SLC38A8: variants seen among roughly 807,000 people sequenced by gnomAD.
SLC38A8 encodes solute carrier family 38 member 8.
In SLC38A8, 65 loss-of-function variants were observed where a neutral mutation model predicts 46.0. That is an observed-to-expected ratio of 1.41 (90% CI 1.16 to 1.74). SLC38A8 has a LOEUF of 1.74. Ranked by LOEUF, SLC38A8 falls within the 40% of genes most tolerant of loss-of-function variation. SLC38A8 has a pLI of 0.00. For missense variants in SLC38A8, 998 were observed against 567.9 expected, an observed-to-expected ratio of 1.76 and a Z score of -7.70; for synonymous variants, 447 against 243.7, an observed-to-expected ratio of 1.83 and a Z score of -7.77.
intron 9 of SLC38A8, among the ~76,000 whole-genome samples, chr16:84,015,016 G>A (rs1163923028): frequency 6.6e-6 from 1 of 152,118 alleles, no homozygotes; most frequent in East Asian, 1.9e-4. Flanking sequence ...TTTCACCAAT[G>A]GGCATCTACT....
rs148028543 is a variant in SLC38A8, at chr16:84,037,985, G to A, written c.190-1085C>T. Among the ~76,000 whole-genome samples the A allele has an allele frequency of 4.0e-4, 61 of 151,948 alleles. No individual in the cohort carries two copies. The East Asian group carries it at 0.011, about 28-fold the overall frequency. ...CACCACACCCAGCTAATTGTTTTTTGTATTTTTAAATCTTTTTCCAAAATG... is the reference window on the plus strand; with the variant it reads ...CACCACACCCAGCTAATTGTTTTTTATATTTTTAAATCTTTTTCCAAAATG... On this transcript the variant is annotated intron_variant, in intron 2 of 10. Coordinates refer to ENST00000299709, the MANE Select transcript of SLC38A8 (RefSeq NM_001080442.3).
chr16:84,033,458 G>T lies in SLC38A8; in HGVS notation c.400C>A (p.Leu134Ile). Residue 134 changes from leucine to isoleucine, a missense_variant, in exon 4 of 11, where the codon CTC becomes ATC. Physicochemically the swap from Leu to Ile is conservative, Grantham distance 5. Transcript: ENST00000299709. Reference sequence around the variant, plus strand: ...GGGGCGGGCGGGGTGCCAGACAGGAGGGAGTCACACACTGCCAGAGACACG... The same window carrying T: ...GGGGCGGGCGGGGTGCCAGACAGGATGGAGTCACACACTGCCAGAGACACG... Reference protein sequence around the residue: ...GDQLEKLCDSLLSGTPPAPQP... With the variant: ...GDQLEKLCDSILSGTPPAPQP... 6.2e-7 allele frequency: 1 copy of T among 1,606,574 alleles called. No homozygotes were observed. Among genetic ancestry groups the T allele is most frequent in the Non-Finnish European group, 8.5e-7 (1 of 1,176,730 alleles).
At chr16:84,010,153 C>G (rs927144906) in intron 10 of SLC38A8, among the ~76,000 whole-genome samples, 1 of 148,028 alleles carries the variant, frequency 6.8e-6, no homozygotes, top group African/African-American at 2.6e-5. Flanking sequence ...TCACTGCAGC[C>G]TCCACCTCCC....
At chr16:84,032,118 C>T in intron 4 of SLC38A8, 150 bp from the exon 5 acceptor site, 1 of 649,974 alleles carries the variant, frequency 1.5e-6, no homozygotes, top group Non-Finnish European at 2.7e-6. Context: ...CTCATCTGTA[C>T]AGGGGGCATG....
At position 84,027,251 on chromosome 16, in the gene SLC38A8, G is replaced by C. The variant is rs145453876; in HGVS notation, c.690+2243C>G. ...TGTAATCCCAGCTACTCAAGAGGCT[G>C]AGGCAGGAGAATCGCTTGAACCCAG... On this transcript the variant is annotated intron_variant, in intron 6 of 10. Coordinates refer to ENST00000299709, the MANE Select transcript of SLC38A8 (RefSeq NM_001080442.3). 4.0e-3 allele frequency among the ~76,000 whole-genome samples: 607 copies of C among 152,336 alleles called. 14 individuals carry two copies. The East Asian group carries it at 0.041, about 10-fold the overall frequency.
Position 84,031,983 on chromosome 16 carries a change from G to C in SLC38A8, c.531-15C>G. On this transcript the variant is annotated splice_polypyrimidine_tract_variant and intron_variant, in intron 4 of 10. Coordinates refer to ENST00000299709, the MANE Select transcript of SLC38A8 (RefSeq NM_001080442.3). ...TGCCTAGGATGCTAACACAGTGACC[G>C]TGTGAGGGGCTGCGCAGTGGGTGAC... 1 of 1,610,486 alleles carries C rather than the reference G, an allele frequency of 6.2e-7. No individual in the cohort carries two copies. The highest frequency in any genetic ancestry group is 8.5e-7 in the Non-Finnish European group (1 of 1,176,828).
At chr16:84,031,738 A>G (rs2085240840) in intron 5 of SLC38A8, 129 bp downstream of exon 5, 7 of 764,284 alleles carry the variant, frequency 9.2e-6, no homozygotes, top group Non-Finnish European at 1.5e-5. Context: ...CAGAGACGGA[A>G]AGAACTGGAA....
At chr16:84,035,325 C>T (rs1210898486) in intron 3 of SLC38A8, among the ~76,000 whole-genome samples, 1 of 152,146 alleles carries the variant, frequency 6.6e-6, no homozygotes, top group African/African-American at 2.4e-5. Context: ...TCGTGTTTAC[C>T]AAGACACAGC....
chr16:84,040,157 C>G (rs2085352250), intron 2 of SLC38A8: 1 of 152,266 alleles, frequency 6.6e-6, no homozygotes, highest in Admixed American at 6.5e-5. Context: ...TGGAGGATAG[C>G]AGCCTCCCCC....
chr16:84,043,348 G>GTTTATTCC (rs2085387742), upstream of SLC38A8, among the ~76,000 whole-genome samples: 1 of 152,164 alleles, frequency 6.6e-6, no homozygotes, highest in Non-Finnish European at 1.5e-5. Context: ...GAATTTGACT[G>GTTTATTCC]TTTATTCCTG....
chr16:84,022,994 T>A (rs914643484), intron 6 of SLC38A8, 105 bp from the exon 7 acceptor site: 6 of 756,690 alleles, frequency 7.9e-6, no homozygotes, highest in Non-Finnish European at 1.3e-5. Context: ...TATGATGAGG[T>A]TTCTCTTGAA....
chr16:84,020,929 G>C (rs1457277401), intron 7 of SLC38A8, among the ~76,000 whole-genome samples: 1 of 152,194 alleles, frequency 6.6e-6, no homozygotes, highest in Non-Finnish European at 1.5e-5. Context: ...GTTCTCTTTT[G>C]ATGATCAATT....
At chr16:84,020,626 C>T (rs2085084539) in intron 7 of SLC38A8, among the ~76,000 whole-genome samples, 1 of 152,228 alleles carries the variant, frequency 6.6e-6, no homozygotes, top group Non-Finnish European at 1.5e-5. Flanking sequence ...CAGCGAGGAT[C>T]TCTGTGCCAG....
intron 9 of SLC38A8, among the ~76,000 whole-genome samples, chr16:84,013,292 C>T (rs1023111208): frequency 1.3e-5 from 2 of 152,076 alleles, no homozygotes; most frequent in African/African-American, 4.8e-5. Flanking sequence ...CCCAGAGCCC[C>T]ATCTTTCAGG....
intron 2 of SLC38A8, 117 bp downstream of exon 2, chr16:84,041,851 AC>A: frequency 1.1e-6 from 1 of 902,662 alleles, no homozygotes; most frequent in Non-Finnish European, 1.7e-6. Flanking sequence ...AGAAAATAAA[AC>A]CCCGAAGCTA....
intron 2 of SLC38A8, among the ~76,000 whole-genome samples, chr16:84,039,468 G>T (rs1459044608): frequency 6.6e-6 from 1 of 152,138 alleles, no homozygotes; most frequent in Non-Finnish European, 1.5e-5. Context: ...AGGGGGGCCG[G>T]GTACGGTGGC....
chr16:84,018,863 A>T (rs2085062882), intron 7 of SLC38A8, among the ~76,000 whole-genome samples: 1 of 152,084 alleles, frequency 6.6e-6, no homozygotes, highest in African/African-American at 2.4e-5. Context: ...TCACTAGGAG[A>T]TATATGGGGT....
intron 7 of SLC38A8, among the ~76,000 whole-genome samples, chr16:84,021,556 G>T (rs775611697): frequency 6.6e-6 from 1 of 152,166 alleles, no homozygotes; most frequent in African/African-American, 2.4e-5. Context: ...GAGTATCTAA[G>T]AAGTTCCAAA....
intron 2 of SLC38A8, among the ~76,000 whole-genome samples, chr16:84,038,069 G>C (rs764927740): frequency 1.3e-5 from 2 of 151,808 alleles, no homozygotes; most frequent in African/African-American, 2.4e-5. Context: ...CCAGCACTTC[G>C]GGAGGCCAAG....
Sources: allele counts gnomAD v4.1 joint callset (sites outside exome capture counted in the v4.1 genomes callset), GRCh38; gene constraint gnomAD v4.1.1; transcripts MANE v1.5; gene names NCBI Gene and HGNC (gene_info 2026-07-23, HGNC 2026-07-21).